Variants in DACH2 observed in about 807,000 individuals in gnomAD.
DACH2 encodes dachshund family transcription factor 2.
A neutral mutation model predicts 35.8 loss-of-function variants in DACH2; 17 were observed. That is an observed-to-expected ratio of 0.48 (90% CI 0.33 to 0.71). DACH2 has a LOEUF of 0.71. DACH2 is among the 30% of genes least tolerant of loss of function. The pLI, the probability that DACH2 is intolerant of heterozygous loss-of-function variation, is 0.02. For missense variants in DACH2, 469 were observed against 472.7 expected (o/e 0.99, Z 0.07); for synonymous variants, 195 against 177.3 (o/e 1.10, Z -0.79).
At chrX:86,615,292 A>G (rs2039989873) in intron 3 of DACH2, among the ~76,000 whole-genome samples, 1 of 111,786 alleles carries the variant, frequency 8.9e-6, no homozygotes, top group Admixed American at 9.5e-5. Context: ...CCTTGTCTTC[A>G]TGTTGTTTAA....
chrX:86,819,997 T>A (rs755343594), intron 11 of DACH2, among the ~76,000 whole-genome samples: 2 of 111,845 alleles, frequency 1.8e-5, no homozygotes, highest in African/African-American at 3.2e-5. Context: ...GAAGTTAACA[T>A]CTTAATAACA....
intron 11 of DACH2, chrX:86,827,889 C>G (rs1322776113): frequency 1.2e-6 from 1 of 829,021 alleles, no homozygotes; most frequent in Non-Finnish European, 1.7e-6. Flanking sequence ...AATATGGAAC[C>G]TTTAATTACT....
chrX:86,667,529 GA>G (rs1262111982), intron 4 of DACH2, among the ~76,000 whole-genome samples: 413 of 60,984 alleles, frequency 6.8e-3, no homozygotes, highest in East Asian at 0.02. Context: ...AAGAAAGAAA[GA>G]AAGAAAGAAA....
intron 1 of DACH2, among the ~76,000 whole-genome samples, chrX:86,211,201 G>A (rs750657589): frequency 2.1e-3 from 240 of 111,746 alleles, no homozygotes; most frequent in African/African-American, 7.4e-3. Context: ...AGAATACAAT[G>A]AAGTCATTTG....
In DACH2 at chrX:86,523,570, A is replaced by G. The variant is rs191696658; in HGVS notation, c.640+9179A>G. Among the ~76,000 whole-genome samples, 11 of 111,667 alleles carry G rather than the reference A, an allele frequency of 9.9e-5. No individual in the cohort carries two copies. In the East Asian group the frequency reaches 2.5e-3, roughly 26 times the overall value. On this transcript the variant is annotated intron_variant, in intron 3 of 11. Transcript: ENST00000373125. ...GAAGTTATTACTCAAATCAATCTCT[A>G]AAGGCTTGTAGGTTAGGGTTTTTTT... is the stretch of plus-strand genomic sequence containing the variant.
chrX:86,160,659 G>T, intron 1 of DACH2: 1 of 498,331 alleles, frequency 2.0e-6, no homozygotes, highest in South Asian at 2.8e-5. Flanking sequence ...TTGCCACAAC[G>T]AACATCCTTG....
intron 1 of DACH2, among the ~76,000 whole-genome samples, chrX:86,254,762 G>A (rs2033469379): frequency 1.5e-5 from 1 of 67,581 alleles, no homozygotes; most frequent in South Asian, 8.6e-4. Context: ...AAGTGTGTGG[G>A]GTGTTATTCA....
chrX:86,288,740 C>T (rs1177269725), intron 1 of DACH2, among the ~76,000 whole-genome samples: 1 of 111,348 alleles, frequency 9.0e-6, no homozygotes, highest in African/African-American at 3.3e-5. Context: ...GTTCACTCAG[C>T]TTGTGTTGAA....
chrX:86,245,221 C>A (rs2033252824), intron 1 of DACH2, among the ~76,000 whole-genome samples: 1 of 111,351 alleles, frequency 9.0e-6, no homozygotes, highest in South Asian at 3.8e-4. Context: ...AGTAATGTAC[C>A]CCACCCCGCC....
chrX:86,685,920 G>A (rs1455188759), intron 4 of DACH2, among the ~76,000 whole-genome samples: 1 of 111,434 alleles, frequency 9.0e-6, no homozygotes, highest in Non-Finnish European at 1.9e-5. Flanking sequence ...TGAGATTTGG[G>A]TGGGGACAAA....
Position 86,403,397 on chromosome X carries a change from A to G in DACH2, c.527+26535A>G, listed in dbSNP as rs758562027. Among the ~76,000 whole-genome samples, 572 of 112,463 alleles carry G rather than the reference A, an allele frequency of 5.1e-3. 2 individuals are homozygous for G. Among genetic ancestry groups the G allele is most frequent in the Non-Finnish European group, 8.4e-3 (450 of 53,286 alleles). On this transcript the variant is annotated intron_variant, in intron 2 of 11. Coordinates refer to ENST00000373125, the MANE Select transcript of DACH2 (RefSeq NM_053281.3). ...ACATGAACAGACACTTCTCAAGAAG[A>G]GTCATAAAATTGGACAATGAAAATA... is the stretch of plus-strand genomic sequence containing the variant.
intron 2 of DACH2, among the ~76,000 whole-genome samples, chrX:86,391,787 G>A (rs1333720604): frequency 1.8e-5 from 2 of 110,881 alleles, no homozygotes; most frequent in Non-Finnish European, 3.8e-5. Context: ...AGCAAAATTT[G>A]TTCCTAGTTA....
chrX:86,478,542 C>CTTTTTTTTTTTTTTTTTTTTTTTTCT (rs767463672), intron 2 of DACH2, among the ~76,000 whole-genome samples: 1 of 86,947 alleles, frequency 1.2e-5, no homozygotes, highest in African/African-American at 4.2e-5. Context: ...TTTTGTTTTT[C>CTTTTTTTTTTTTTTTTTTTTTTTTCT]TTTTTTTTTT....
At chrX:86,798,114 C>T (rs10482025) in intron 7 of DACH2, among the ~76,000 whole-genome samples, 12,910 of 111,491 alleles carry the variant, frequency 0.12, 746 homozygotes, top group East Asian at 0.33. Flanking sequence ...ATTAGTGGAT[C>T]TCAGAAGTTG....
intron 7 of DACH2, among the ~76,000 whole-genome samples, chrX:86,785,305 A>G (rs1312918033): frequency 9.0e-6 from 1 of 111,170 alleles, no homozygotes; most frequent in Non-Finnish European, 1.9e-5. Flanking sequence ...TAAATTTGGG[A>G]ATAATAAGCC....
chrX:86,464,966 G>C (rs61106917), intron 2 of DACH2, among the ~76,000 whole-genome samples: 1,272 of 111,766 alleles, frequency 0.011, 18 homozygotes, highest in African/African-American at 0.039. Context: ...TTTAGTTTGC[G>C]GTTTCTCTCT....
intron 7 of DACH2, among the ~76,000 whole-genome samples, chrX:86,779,244 G>T (rs972690822): frequency 2.7e-5 from 3 of 111,565 alleles, no homozygotes; most frequent in Non-Finnish European, 5.6e-5. Flanking sequence ...GACCATAAAA[G>T]GTATCATAGA....
At chrX:86,244,978 T>C (rs1192063302) in intron 1 of DACH2, among the ~76,000 whole-genome samples, 1 of 111,722 alleles carries the variant, frequency 9.0e-6, no homozygotes, top group East Asian at 2.8e-4. Flanking sequence ...CAGTCTTTAT[T>C]ATTTAATAAG....
chrX:86,715,078 G>A (rs2041320928), intron 6 of DACH2, among the ~76,000 whole-genome samples: 1 of 111,509 alleles, frequency 9.0e-6, no homozygotes, highest in Admixed American at 9.6e-5. Flanking sequence ...TTGAGAGACA[G>A]TTATGAGGTA....
Sources: gnomAD v4.1 joint callset for allele counts (sites outside exome capture counted in the v4.1 genomes callset) on GRCh38, gnomAD v4.1.1 for gene constraint, MANE v1.5 for transcripts, NCBI Gene and HGNC (gene_info 2026-07-23, HGNC 2026-07-21) for gene names.